Variants in LRP1B observed in about 807,000 individuals in gnomAD.
LRP1B encodes LDL receptor related protein 1B.
LRP1B carries 217 observed loss-of-function variants against 556.6 expected under a neutral mutation model. The observed-to-expected ratio is 0.39, with a 90% CI of 0.35 to 0.44. The LOEUF is 0.44. Among genes scored for constraint, LRP1B ranks in the 20% least tolerant of loss-of-function variants. LRP1B has a pLI of 1.00. For missense variants in LRP1B, 5,053 were observed against 5,620.8 expected (o/e 0.90, Z 3.23); for synonymous variants, 2,047 against 1,865.8 (o/e 1.10, Z -2.50).
At chr2:141,092,992 G>A (rs1700206908) in intron 7 of LRP1B, among the ~76,000 whole-genome samples, 2 of 151,318 alleles carry the variant, frequency 1.3e-5, no homozygotes, top group African/African-American at 4.8e-5. Context: ...GTGACACAAA[G>A]AAGGAAAAAA....
chr2:141,107,004 G>A (rs1328090930), intron 7 of LRP1B, among the ~76,000 whole-genome samples: 1 of 151,604 alleles, frequency 6.6e-6, no homozygotes, highest in Admixed American at 6.6e-5. Flanking sequence ...CTTTGCATTG[G>A]TATTATGCTA....
chr2:141,040,758 C>T (rs958742905), intron 11 of LRP1B, among the ~76,000 whole-genome samples: 3 of 152,066 alleles, frequency 2.0e-5, no homozygotes, highest in Non-Finnish European at 4.4e-5. Context: ...ATAAAATCCA[C>T]AGGGCAATTC....
intron 43 of LRP1B, among the ~76,000 whole-genome samples, chr2:140,583,161 CCTTTTTTTTCT>C (rs1681839414): frequency 2.1e-5 from 2 of 97,554 alleles, no homozygotes; most frequent in African/African-American, 4.3e-5. Flanking sequence ...GACAGTTTCT[CCTTTTTTTTCT>C]TTTTTTTTTT....
chr2:140,907,794 A>T (rs1012428949), intron 22 of LRP1B, 83 bp downstream of exon 22: 1 of 1,151,612 alleles, frequency 8.7e-7, no homozygotes, highest in African/African-American at 1.5e-5. Flanking sequence ...GAAAGGAATG[A>T]ATGCTACTAT....
chr2:141,578,232 A>G (rs141992185), intron 2 of LRP1B, among the ~76,000 whole-genome samples: 83 of 151,258 alleles, frequency 5.5e-4, no homozygotes, highest in Non-Finnish European at 1.0e-3. Context: ...TGCCTCTACT[A>G]AAAATACAAA....
At chr2:140,970,774 T>A (rs1696396250) in intron 18 of LRP1B, among the ~76,000 whole-genome samples, 1 of 127,136 alleles carries the variant, frequency 7.9e-6, no homozygotes, top group Non-Finnish European at 1.6e-5. Flanking sequence ...AGGGTCTTGC[T>A]CTGTTGCCCA....
intron 4 of LRP1B, 96 bp downstream of exon 4, chr2:141,254,424 CTG>C: frequency 8.2e-7 from 1 of 1,220,420 alleles, no homozygotes. Flanking sequence ...AACATAAACA[CTG>C]TAGAGCACAT....
At chr2:141,079,325 T>C (rs986485549) in intron 7 of LRP1B, among the ~76,000 whole-genome samples, 13 of 152,196 alleles carry the variant, frequency 8.5e-5, no homozygotes, top group Non-Finnish European at 1.6e-4. Flanking sequence ...CACTGCACTT[T>C]TGAGTTTCTA....
chr2:140,684,625 C>G (rs1049535225), intron 41 of LRP1B, among the ~76,000 whole-genome samples: 3 of 152,140 alleles, frequency 2.0e-5, no homozygotes, highest in Admixed American at 2.0e-4. Flanking sequence ...TCTACACATA[C>G]TCATATACAT....
chr2:141,939,046 A>G (rs769357316), intron 1 of LRP1B, among the ~76,000 whole-genome samples: 1 of 152,002 alleles, frequency 6.6e-6, no homozygotes, highest in Non-Finnish European at 1.5e-5. Flanking sequence ...GTAGTTATAT[A>G]GAATGATTAA....
intron 3 of LRP1B, among the ~76,000 whole-genome samples, chr2:141,346,409 C>G (rs577597678): frequency 6.6e-6 from 1 of 152,234 alleles, no homozygotes; most frequent in African/African-American, 2.4e-5. Flanking sequence ...TTTAGATCCT[C>G]TCCTGGGCAG....
chr2:141,948,902 G>T (rs942949871), intron 1 of LRP1B, among the ~76,000 whole-genome samples: 1 of 152,034 alleles, frequency 6.6e-6, no homozygotes, highest in Non-Finnish European at 1.5e-5. Flanking sequence ...AAATTTAAAA[G>T]ATTCAATTTA....
chr2:140,924,348 G>T (rs562142410), intron 20 of LRP1B, among the ~76,000 whole-genome samples: 1 of 151,948 alleles, frequency 6.6e-6, no homozygotes, highest in South Asian at 2.1e-4. Flanking sequence ...TATCTATAAA[G>T]GATTAATTCA....
At chr2:140,626,336 TA>T (rs1683656309) in intron 41 of LRP1B, among the ~76,000 whole-genome samples, 1 of 152,110 alleles carries the variant, frequency 6.6e-6, no homozygotes, top group African/African-American at 2.4e-5. Flanking sequence ...GAATATGCAA[TA>T]CCAAGAGAGA....
intron 63 of LRP1B, among the ~76,000 whole-genome samples, chr2:140,445,847 CTT>C (rs1008214358): frequency 2.0e-5 from 3 of 152,062 alleles, no homozygotes; most frequent in African/African-American, 7.2e-5. Flanking sequence ...CAATAAAACA[CTT>C]ATCTTTTGAC....
chr2:141,587,889 G>A (rs1341034128), intron 2 of LRP1B, among the ~76,000 whole-genome samples: 4 of 152,066 alleles, frequency 2.6e-5, no homozygotes, highest in African/African-American at 4.8e-5. Flanking sequence ...AATAGTATTC[G>A]ATAAGAAAAT....
chr2:140,383,561 C>G (rs1274698592), intron 67 of LRP1B, among the ~76,000 whole-genome samples: 1 of 152,052 alleles, frequency 6.6e-6, no homozygotes, highest in Admixed American at 6.6e-5. Context: ...TATCTTCAAG[C>G]CCTATTCAAT....
intron 75 of LRP1B, among the ~76,000 whole-genome samples, chr2:140,355,281 T>C (rs935128501): frequency 6.6e-6 from 1 of 151,962 alleles, no homozygotes; most frequent in Non-Finnish European, 1.5e-5. Context: ...ATTGTGTGTG[T>C]GTGTGTTTAT....
At chr2:140,246,816 A>G (rs1681186298) in intron 87 of LRP1B, among the ~76,000 whole-genome samples, 1 of 151,518 alleles carries the variant, frequency 6.6e-6, no homozygotes, top group South Asian at 2.1e-4. Flanking sequence ...AATATTTCCA[A>G]AGAAAAGCTT....
Sources: allele counts gnomAD v4.1 joint callset (sites outside exome capture counted in the v4.1 genomes callset), GRCh38; gene constraint gnomAD v4.1.1; transcripts MANE v1.5; gene names NCBI Gene and HGNC (gene_info 2026-07-23, HGNC 2026-07-21).